Variants in TENM1 observed in about 807,000 individuals in gnomAD.
TENM1 encodes the protein teneurin transmembrane protein 1.
TENM1 carries 35 observed loss-of-function variants against 174.8 expected under a neutral mutation model. The observed-to-expected ratio is 0.20, with a 90% CI of 0.15 to 0.27. TENM1 has a LOEUF of 0.27. TENM1 is among the 10% of genes least tolerant of loss of function. The pLI is 1.00. For missense variants in TENM1, 1,633 were observed against 2,130.1 expected (o/e 0.77, Z 4.59); for synonymous variants, 781 against 798.7 (o/e 0.98, Z 0.37).
At chrX:125,084,766 G>A in the TENM1 span, among the ~76,000 whole-genome samples, 7 of 110,922 alleles carry the variant, frequency 6.3e-5, no homozygotes, top group Admixed American at 9.6e-5. Flanking sequence ...CATTTTGAAC[G>A]GCAAAAGATT....
At chrX:125,171,180 A>T in the TENM1 span, among the ~76,000 whole-genome samples, 1 of 109,922 alleles carries the variant, frequency 9.1e-6, no homozygotes, top group African/African-American at 3.3e-5. Flanking sequence ...CCTCCAACTC[A>T]CCACAGAGTC....
intron 14 of TENM1, among the ~76,000 whole-genome samples, chrX:124,558,980 C>T (rs1277706557): frequency 5.4e-5 from 6 of 111,423 alleles, no homozygotes; most frequent in African/African-American, 1.6e-4. Context: ...CTACATAGAC[C>T]ACAGGCATTG....
intron 5 of TENM1, among the ~76,000 whole-genome samples, chrX:124,686,554 T>G (rs1372560587): frequency 9.0e-6 from 1 of 111,700 alleles, no homozygotes; most frequent in Non-Finnish European, 1.9e-5. Flanking sequence ...CAGCAGCACA[T>G]CAAAAAGCTT....
intron 22 of TENM1, among the ~76,000 whole-genome samples, chrX:124,454,847 T>C (rs2283768): frequency 0.099 from 11,086 of 112,027 alleles, 505 homozygotes; most frequent in Admixed American, 0.15. Context: ...AGTCTACAAT[T>C]TAGTCTTTTC....
the TENM1 span, among the ~76,000 whole-genome samples, chrX:125,042,623 C>T: frequency 9.0e-6 from 1 of 111,284 alleles, no homozygotes; most frequent in African/African-American, 3.3e-5. Flanking sequence ...AATGCCTTAA[C>T]TCTATAGAAG....
chrX:124,450,511 T>C (rs1028164906), intron 23 of TENM1, among the ~76,000 whole-genome samples: 4 of 111,782 alleles, frequency 3.6e-5, no homozygotes, highest in African/African-American at 9.8e-5. Flanking sequence ...TAAACCTCTT[T>C]CTTTTGTAAG....
chrX:124,573,374 A>G (rs1286739746), intron 11 of TENM1, among the ~76,000 whole-genome samples: 1 of 111,764 alleles, frequency 8.9e-6, no homozygotes, highest in Non-Finnish European at 1.9e-5. Flanking sequence ...CAGAGAAGAG[A>G]GGCAGATGGG....
At chrX:124,774,892 C>T (rs758262839) in intron 3 of TENM1, among the ~76,000 whole-genome samples, 3 of 110,677 alleles carry the variant, frequency 2.7e-5, no homozygotes, top group Non-Finnish European at 5.7e-5. Context: ...CAGGTCAGAC[C>T]CTGCATCATT....
intron 19 of TENM1, among the ~76,000 whole-genome samples, chrX:124,503,283 C>T (rs1193037839): frequency 9.0e-6 from 1 of 111,045 alleles, no homozygotes. Context: ...CAGGGGCCAC[C>T]TCTGCCCCCT....
chrX:125,006,879 G>A, the TENM1 span, among the ~76,000 whole-genome samples: 1 of 111,543 alleles, frequency 9.0e-6, no homozygotes, highest in African/African-American at 3.3e-5. Context: ...AAGGTCATCA[G>A]CCTCAAAGAT....
chrX:124,403,428 G>A (rs1057111385), intron 27 of TENM1, among the ~76,000 whole-genome samples: 3 of 107,652 alleles, frequency 2.8e-5, no homozygotes, highest in Non-Finnish European at 5.7e-5. Flanking sequence ...GCTGAGGCAG[G>A]AGAATGGCGT....
chrX:124,866,782 CAAAT>C lies in TENM1; in HGVS notation c.535+27510_535+27513del, dbSNP rs766682321. On this transcript the variant is annotated intron_variant, in intron 3 of 31. Coordinates refer to ENST00000422452, the Ensembl canonical transcript of TENM1. ...GACAAAGAAAAAAAGAGAGACGATC[CAAAT>C]AAATAAAATCAGAAATGAAAAAGGA... Among the ~76,000 whole-genome samples, 60 of 110,408 alleles carry C rather than the reference CAAAT, an allele frequency of 5.4e-4. No homozygotes were observed. The East Asian group carries it at 0.011, about 21-fold the overall frequency.
At chrX:124,511,338 C>T (rs2047579289) in intron 18 of TENM1, among the ~76,000 whole-genome samples, 1 of 111,977 alleles carries the variant, frequency 8.9e-6, no homozygotes, top group African/African-American at 3.2e-5. Flanking sequence ...AACAGCCCTG[C>T]TTTCAGTTAA....
intron 6 of TENM1, among the ~76,000 whole-genome samples, chrX:124,670,881 G>A (rs908673073): frequency 3.6e-5 from 4 of 111,090 alleles, no homozygotes; most frequent in East Asian, 2.9e-4. Context: ...ATTTATTTAC[G>A]TTTGGTCTCC....
In TENM1 at chrX:124,542,832, G is replaced by A. The variant is rs146441053; in HGVS notation, c.2651+4042C>T. Among the ~76,000 whole-genome samples, 12 of 111,256 alleles carry A rather than the reference G, an allele frequency of 1.1e-4. No individual in the cohort carries two copies. The East Asian group carries it at 2.5e-3, about 23-fold the overall frequency. On this transcript the variant is annotated intron_variant, in intron 15 of 31. Coordinates refer to ENST00000422452, the Ensembl canonical transcript of TENM1. The stretch of plus-strand genomic sequence containing the variant: ...ATGAGATATGCAAAGGTACTCCAGC[G>A]AACTAAGGGGAGAAATATTGTTCCA...
chrX:124,705,318 C>T, intron 4 of TENM1, 67 bp from the exon 8 acceptor site: 1 of 854,800 alleles, frequency 1.2e-6, no homozygotes, highest in Non-Finnish European at 1.7e-6. Flanking sequence ...ACACAAACTC[C>T]ATTAATTTCA....
At chrX:124,839,318 G>A (rs2056452580) in intron 3 of TENM1, among the ~76,000 whole-genome samples, 1 of 111,626 alleles carries the variant, frequency 9.0e-6, no homozygotes, top group South Asian at 3.7e-4. Context: ...GACTTTAGGA[G>A]AGCAGTTAAC....
intron 11 of TENM1, among the ~76,000 whole-genome samples, chrX:124,618,158 G>A (rs2050438004): frequency 9.0e-6 from 1 of 111,721 alleles, no homozygotes; most frequent in East Asian, 2.8e-4. Context: ...GAGAGATATG[G>A]TTAGACATTC....
intron 6 of TENM1, among the ~76,000 whole-genome samples, chrX:124,664,532 G>GAAAAAAAAAAAA (rs779501054): frequency 7.9e-3 from 231 of 29,125 alleles, no homozygotes; most frequent in Non-Finnish European, 9.5e-3. Flanking sequence ...TAAAGCAAAA[G>GAAAAAAAAAAAA]AAAAAAAAAA....
Sources: allele counts gnomAD v4.1 joint callset (sites outside exome capture counted in the v4.1 genomes callset), GRCh38; gene constraint gnomAD v4.1.1; transcripts MANE v1.5; gene names NCBI Gene and HGNC (gene_info 2026-07-23, HGNC 2026-07-21).